Variants in FRAS1 observed in about 807,000 individuals in gnomAD.
FRAS1 encodes the protein extracellular matrix organizing protein FRAS1.
A neutral mutation model predicts 435.2 loss-of-function variants in FRAS1; 290 were observed. The observed-to-expected ratio is 0.67, with a 90% CI of 0.61 to 0.73. The LOEUF is 0.73. FRAS1 is among the 30% of genes least tolerant of loss of function. The pLI is 0.00. For synonymous variants in FRAS1, 1,800 were observed against 1,851.0 expected (o/e 0.97, Z 0.71); for missense variants, 4,860 against 5,001.5 (o/e 0.97, Z 0.85).
chr4:78,431,676 G>A (rs960483144), intron 37 of FRAS1, among the ~76,000 whole-genome samples: 4 of 152,126 alleles, frequency 2.6e-5, no homozygotes, highest in Non-Finnish European at 4.4e-5. Context: ...AGGGTTCCAT[G>A]ACAAGTTTGA....
At chr4:78,537,850 G>T (rs1721930675) in intron 72 of FRAS1, among the ~76,000 whole-genome samples, 1 of 151,586 alleles carries the variant, frequency 6.6e-6, no homozygotes, top group Non-Finnish European at 1.5e-5. Context: ...GGAGGCTGAG[G>T]TGAGAAAATC....
intron 3 of FRAS1, among the ~76,000 whole-genome samples, chr4:78,238,353 A>T (rs11935263): frequency 0.27 from 36,605 of 134,446 alleles, 10,993 homozygotes; most frequent in Non-Finnish European, 0.37. Context: ...TCTATTTTTT[A>T]AAAAAGCTTA....
At chr4:78,251,277 G>C (rs1344568040) in intron 4 of FRAS1, among the ~76,000 whole-genome samples, 2 of 152,174 alleles carry the variant, frequency 1.3e-5, no homozygotes, top group Non-Finnish European at 2.9e-5. Context: ...CTTTGTATCT[G>C]TGTCCATTCC....
At chr4:78,394,691 T>G (rs1425624775) in intron 29 of FRAS1, among the ~76,000 whole-genome samples, 1 of 152,060 alleles carries the variant, frequency 6.6e-6, no homozygotes, top group Non-Finnish European at 1.5e-5. Flanking sequence ...ATTTGGGGAT[T>G]TTTGTGGTTC....
In FRAS1 at chr4:78,542,586, T is replaced by C. The variant is rs897454521; in HGVS notation, c.*1462T>C. 1 of 152,670 alleles carries C rather than the reference T, an allele frequency of 6.6e-6. No individual in the cohort carries two copies. Among genetic ancestry groups the C allele is most frequent in the African/African-American group, 2.4e-5 (1 of 41,462 alleles). The allele number at this position is 152,670 out of a possible 1,614,324, so 9.5% of individuals were successfully genotyped here. On this transcript the variant is annotated 3_prime_UTR_variant, in exon 74 of 74. Transcript: ENST00000512123. Reference sequence around the variant, plus strand: ...GAATGACTCAAGCTCTTTGAGAACATTCCAAACTAGTAACATTTCGCTACT... The same window carrying C: ...GAATGACTCAAGCTCTTTGAGAACACTCCAAACTAGTAACATTTCGCTACT...
At chr4:78,199,182 T>C (rs562721481) in intron 2 of FRAS1, among the ~76,000 whole-genome samples, 1 of 152,374 alleles carries the variant, frequency 6.6e-6, no homozygotes, top group Admixed American at 6.5e-5. Context: ...GTTTTCTAGT[T>C]GAATCTCATT....
rs544497371 is a variant in FRAS1, at chr4:78,419,387, A to C, written c.4540+324A>C. On this transcript the variant is annotated intron_variant, in intron 33 of 73. Coordinates refer to ENST00000512123, the MANE Select transcript of FRAS1 (RefSeq NM_025074.7). ...CTGGACACATAGCCATTGTCTCTGT[A>C]GGATCAGAGCCTGCCCTAGTAAGGT... is the stretch of plus-strand genomic sequence containing the variant. Among the ~76,000 whole-genome samples, 3 of 152,316 alleles carry C rather than the reference A, an allele frequency of 2.0e-5. No individual in the cohort carries two copies. In the South Asian group the frequency reaches 6.2e-4, roughly 32 times the overall value.
At chr4:78,388,643 T>C (rs1732322651) in intron 29 of FRAS1, among the ~76,000 whole-genome samples, 1 of 151,416 alleles carries the variant, frequency 6.6e-6, no homozygotes, top group South Asian at 2.1e-4. Context: ...ACTAAAGTTT[T>C]TTTTTTTTTT....
intron 14 of FRAS1, among the ~76,000 whole-genome samples, chr4:78,289,151 T>C (rs532244360): frequency 6.6e-6 from 1 of 152,218 alleles, no homozygotes; most frequent in East Asian, 1.9e-4. Context: ...TAAACATGGC[T>C]CTTCAACAAA....
chr4:78,184,686 A>G (rs369726852), intron 2 of FRAS1, among the ~76,000 whole-genome samples: 1 of 152,184 alleles, frequency 6.6e-6, no homozygotes, highest in East Asian at 1.9e-4. Flanking sequence ...GGGATGATTC[A>G]GTGAAGGGAG....
In FRAS1 at chr4:78,450,347, A is replaced by T; in HGVS notation, c.6463+8A>T. 7 of 1,612,998 alleles carry T rather than the reference A, an allele frequency of 4.3e-6. No individual in the cohort carries two copies. Among genetic ancestry groups the T allele is most frequent in the Non-Finnish European group, 5.9e-6 (7 of 1,179,062 alleles). ...AGGCAGACATTAGCCAAGGTCAGCC[A>T]GTTCTCTTCTGCCTACCAGGCTTCC... On this transcript the variant is annotated splice_region_variant and intron_variant, in intron 45 of 73. Transcript: ENST00000512123.
intron 2 of FRAS1, among the ~76,000 whole-genome samples, chr4:78,190,326 C>G (rs1162378218): frequency 6.6e-6 from 1 of 152,194 alleles, no homozygotes; most frequent in Non-Finnish European, 1.5e-5. Context: ...CCCCACATGA[C>G]TGGCTCCCCC....
chr4:78,336,604 A>G (rs1036697657), intron 19 of FRAS1, among the ~76,000 whole-genome samples: 3 of 151,646 alleles, frequency 2.0e-5, no homozygotes, highest in Non-Finnish European at 2.9e-5. Context: ...TGAGAGTGCT[A>G]TCCTTCTAAT....
At chr4:78,087,487 C>T (rs1421056051) in intron 2 of FRAS1, among the ~76,000 whole-genome samples, 2 of 152,104 alleles carry the variant, frequency 1.3e-5, no homozygotes, top group East Asian at 3.9e-4. Flanking sequence ...GTCAAATTGT[C>T]CCTGTTTGCA....
intron 3 of FRAS1, 106 bp downstream of exon 3, chr4:78,237,723 C>T: frequency 2.0e-6 from 1 of 498,078 alleles, no homozygotes; most frequent in Non-Finnish European, 3.4e-6. Context: ...TAATCTCTAC[C>T]TGGGAGCTTA....
intron 2 of FRAS1, among the ~76,000 whole-genome samples, chr4:78,090,326 T>C (rs996017368): frequency 6.6e-6 from 1 of 152,224 alleles, no homozygotes; most frequent in African/African-American, 2.4e-5. Context: ...AGCTATATGC[T>C]AATGCAGAAA....
At chr4:78,251,326 G>T (rs1168798946) in intron 4 of FRAS1, among the ~76,000 whole-genome samples, 1 of 152,160 alleles carries the variant, frequency 6.6e-6, no homozygotes, top group Non-Finnish European at 1.5e-5. Flanking sequence ...AAGAAGGGAG[G>T]AAGTTCAGGA....
intron 2 of FRAS1, among the ~76,000 whole-genome samples, chr4:78,191,992 C>A (rs112079744): frequency 7.9e-5 from 12 of 152,270 alleles, no homozygotes; most frequent in African/African-American, 2.6e-4. Flanking sequence ...AATAGTGCTG[C>A]AATAAACATA....
chr4:78,158,920 G>A (rs1239352787), intron 2 of FRAS1, among the ~76,000 whole-genome samples: 2 of 152,148 alleles, frequency 1.3e-5, no homozygotes, highest in Admixed American at 1.3e-4. Flanking sequence ...GTGATGAAGA[G>A]TAGCCACATG....
Sources: allele counts gnomAD v4.1 joint callset (sites outside exome capture counted in the v4.1 genomes callset), GRCh38; gene constraint gnomAD v4.1.1; transcripts MANE v1.5; gene names NCBI Gene and HGNC (gene_info 2026-07-23, HGNC 2026-07-21).